Variants in ZFHX3 observed in about 807,000 individuals in gnomAD.
ZFHX3 encodes zinc finger homeobox 3.
In ZFHX3, 42 loss-of-function variants were observed where a neutral mutation model predicts 279.1. The observed-to-expected ratio is 0.15, with a 90% CI of 0.12 to 0.19. ZFHX3 has a LOEUF of 0.19. Among genes scored for constraint, ZFHX3 ranks in the 10% least tolerant of loss-of-function variants. The pLI is 1.00. For missense variants in ZFHX3, 4,981 were observed against 4,754.0 expected, an observed-to-expected ratio of 1.05 and a Z score of -1.40; for synonymous variants, 2,293 against 1,957.8, an observed-to-expected ratio of 1.17 and a Z score of -4.52.
chr16:73,672,941 G>A lies in ZFHX3; in HGVS notation c.-1547+7239C>T, dbSNP rs187972932. On this transcript the variant is annotated intron_variant, in intron 2 of 17. Coordinates refer to the ZFHX3 transcript ENST00000641206. ...AAAAACATGATACATTTACTCAAAG[G>A]CCTATTATACAGCAGTGGAAATGAA... Among the ~76,000 whole-genome samples the A allele has an allele frequency of 2.0e-3, 300 of 152,018 alleles. 2 individuals are homozygous for A. Among genetic ancestry groups the A allele is most frequent in the Non-Finnish European group, 3.4e-3 (232 of 67,966 alleles).
At chr16:73,682,299 T>C (rs1020927901) in intron 1 of ZFHX3, among the ~76,000 whole-genome samples, 8 of 152,186 alleles carry the variant, frequency 5.3e-5, no homozygotes, top group Non-Finnish European at 1.0e-4. Context: ...ATTAAAATTA[T>C]ATATATTTTG....
intron 5 of ZFHX3, among the ~76,000 whole-genome samples, chr16:73,217,813 A>C (rs992092076): frequency 1.3e-5 from 2 of 152,028 alleles, no homozygotes; most frequent in African/African-American, 4.8e-5. Context: ...GGAGCCCAGG[A>C]CATTTTGGGG....
chr16:73,314,115 G>A (rs2015391257), intron 4 of ZFHX3, among the ~76,000 whole-genome samples: 1 of 152,076 alleles, frequency 6.6e-6, no homozygotes, highest in Non-Finnish European at 1.5e-5. Context: ...AAAAAAATCT[G>A]GTGAGCTTTG....
intron 3 of ZFHX3, among the ~76,000 whole-genome samples, chr16:73,353,360 T>C (rs1423911927): frequency 6.6e-6 from 1 of 152,246 alleles, no homozygotes; most frequent in Admixed American, 6.5e-5. Context: ...TTACTCACTC[T>C]GGGTTGACCC....
chr16:73,429,822 T>TC (rs1362120728), intron 3 of ZFHX3, among the ~76,000 whole-genome samples: 1 of 152,086 alleles, frequency 6.6e-6, no homozygotes, highest in Non-Finnish European at 1.5e-5. Context: ...CCATCCTCGC[T>TC]CCCCCACAGA....
In ZFHX3 at chr16:72,871,051, C is replaced by A. The variant is rs35850418; in HGVS notation, c.3448+18680G>T. Among the ~76,000 whole-genome samples, 3 of 151,896 alleles carry A rather than the reference C, an allele frequency of 2.0e-5. No individual in the cohort carries two copies. The South Asian group carries it at 6.2e-4, about 31-fold the overall frequency. On this transcript the variant is annotated intron_variant, in intron 4 of 9. Coordinates refer to ENST00000268489, the MANE Select transcript of ZFHX3 (RefSeq NM_006885.4). The stretch of plus-strand genomic sequence containing the variant: ...TATGGAGAGAGTAAGATTATGAATG[C>A]GAGAGAGAAGTCAAAAAAGGAAATG...
intron 1 of ZFHX3, among the ~76,000 whole-genome samples, chr16:73,742,857 C>A (rs1273572850): frequency 6.6e-6 from 1 of 152,090 alleles, no homozygotes; most frequent in African/African-American, 2.4e-5. Flanking sequence ...CTAATGTGAC[C>A]AACAGAAACT....
At chr16:73,695,529 T>C (rs1015472493) in intron 1 of ZFHX3, among the ~76,000 whole-genome samples, 1 of 152,222 alleles carries the variant, frequency 6.6e-6, no homozygotes, top group Admixed American at 6.5e-5. Flanking sequence ...GGTCTGGGAT[T>C]CAAAGTGAGG....
intron 7 of ZFHX3, among the ~76,000 whole-genome samples, chr16:73,122,567 T>C (rs1313722743): frequency 1.3e-5 from 2 of 152,134 alleles, no homozygotes; most frequent in Non-Finnish European, 2.9e-5. Flanking sequence ...TCAAGTCTTT[T>C]GGCTGTGTCT....
chr16:73,002,971 T>C (rs1347965686), intron 1 of ZFHX3, among the ~76,000 whole-genome samples: 1 of 152,242 alleles, frequency 6.6e-6, no homozygotes. Flanking sequence ...TGTAATTCTT[T>C]AGCTTCTCTT....
At chr16:73,771,114 CTG>C (rs2054012702) in intron 1 of ZFHX3, among the ~76,000 whole-genome samples, 1 of 152,172 alleles carries the variant, frequency 6.6e-6, no homozygotes, top group Admixed American at 6.5e-5. Flanking sequence ...ATGCTAGAGA[CTG>C]GGGTGATGAC....
chr16:73,820,855 T>C (rs147369250), intron 1 of ZFHX3, among the ~76,000 whole-genome samples: 3 of 151,704 alleles, frequency 2.0e-5, no homozygotes, highest in African/African-American at 7.2e-5. Flanking sequence ...AATAACCTGG[T>C]AGTAGAACAC....
At chr16:73,221,291 T>G (rs1415358676) in intron 5 of ZFHX3, among the ~76,000 whole-genome samples, 1 of 152,212 alleles carries the variant, frequency 6.6e-6, no homozygotes, top group Non-Finnish European at 1.5e-5. Context: ...GAAAAGTCAC[T>G]GTTAATACCT....
At chr16:72,834,568 T>C (rs543252959) in intron 4 of ZFHX3, among the ~76,000 whole-genome samples, 2 of 152,326 alleles carry the variant, frequency 1.3e-5, no homozygotes, top group Admixed American at 1.3e-4. Flanking sequence ...TAAAGGTGAC[T>C]GCACAATTCC....
At chr16:73,045,334 T>C (rs1013773702) in intron 1 of ZFHX3, among the ~76,000 whole-genome samples, 1 of 152,238 alleles carries the variant, frequency 6.6e-6, no homozygotes, top group African/African-American at 2.4e-5. Flanking sequence ...AGGCCGGTCC[T>C]GGGAGTGTCT....
At chr16:73,568,324 G>A (rs1231589466) in intron 2 of ZFHX3, among the ~76,000 whole-genome samples, 1 of 148,562 alleles carries the variant, frequency 6.7e-6, no homozygotes, top group African/African-American at 2.6e-5. Flanking sequence ...GAATATTTTT[G>A]TTAATGTCTT....
At chr16:73,738,241 G>A (rs952897392) in intron 1 of ZFHX3, among the ~76,000 whole-genome samples, 1 of 152,156 alleles carries the variant, frequency 6.6e-6, no homozygotes, top group African/African-American at 2.4e-5. Flanking sequence ...GGCACTGTAA[G>A]GAAAAATAAA....
At chr16:72,960,618 C>T (rs1196275360) in intron 1 of ZFHX3, among the ~76,000 whole-genome samples, 2 of 152,192 alleles carry the variant, frequency 1.3e-5, no homozygotes, top group Non-Finnish European at 2.9e-5. Context: ...AAGTCAGCCC[C>T]GACTCCGCGC....
rs186627630 is a variant in ZFHX3, at chr16:73,812,011, C to T, written c.-1608+79640G>A. The stretch of plus-strand genomic sequence containing the variant: ...ATTTGTGGATAAGAAAACAGAGGCA[C>T]GAAGAGATTAAATAACCTACCCCCA... On this transcript the variant is annotated intron_variant, in intron 1 of 17. Transcript: ENST00000641206. Among the ~76,000 whole-genome samples, 23 of 152,240 alleles carry T rather than the reference C, an allele frequency of 1.5e-4. 1 individual carries two copies. The highest frequency in any genetic ancestry group is 2.6e-4 in the Admixed American group (4 of 15,286).
Sources: gnomAD v4.1 joint callset for allele counts (sites outside exome capture counted in the v4.1 genomes callset) on GRCh38, gnomAD v4.1.1 for gene constraint, MANE v1.5 for transcripts, NCBI Gene and HGNC (gene_info 2026-07-23, HGNC 2026-07-21) for gene names.